The following CASP9 variants were observed in gnomAD, a reference collection of about 807,000 sequenced individuals.
CASP9 encodes caspase-9.
CASP9 carries 29 observed loss-of-function variants against 43.5 expected under a neutral mutation model. That is an observed-to-expected ratio of 0.67 (90% confidence interval 0.50 to 0.91). The LOEUF (loss-of-function observed/expected upper bound fraction) is 0.91, where lower values mean the gene tolerates loss of function less well. Among genes scored for constraint, CASP9 ranks in the 40% least tolerant of loss-of-function variants. CASP9 has a pLI of 0.00. For missense variants in CASP9, 575 were observed against 537.4 expected, an observed-to-expected ratio of 1.07 and a Z score of -0.69; for synonymous variants, 206 against 211.9, an observed-to-expected ratio of 0.97 and a Z score of 0.24.
At chr1:15,494,745 C>A (rs1286747501) in intron 7 of CASP9, among the ~76,000 whole-genome samples, 2 of 150,534 alleles carry the variant, frequency 1.3e-5, no homozygotes, top group Admixed American at 1.3e-4. Flanking sequence ...TGCTTGTAGT[C>A]CCAGCTACTT....
upstream of CASP9, chr1:15,524,265 A>G: frequency 7.6e-7 from 1 of 1,315,558 alleles, no homozygotes; most frequent in Non-Finnish European, 9.9e-7. Context: ...CGCCCGCCCC[A>G]GTCCCCAGGA....
chr1:15,500,688 C>T (rs929392225), intron 6 of CASP9, among the ~76,000 whole-genome samples: 7 of 152,082 alleles, frequency 4.6e-5, no homozygotes, highest in African/African-American at 7.2e-5. Context: ...GTAGAGACTC[C>T]GGAATCTGCC....
chr1:15,518,229 T>C lies in CASP9; in HGVS notation c.299A>G (p.Lys100Arg). ...RTNRQAAKLSKPTLENLTPVV... is the reference protein window; with the variant it reads ...RTNRQAAKLSRPTLENLTPVV... ...TGGGGTAAGGTTTTCTAGGGTTGGCTTCGACAACTTTGCTGCTTGCCTGTT... is the reference window on the plus strand; with the variant it reads ...TGGGGTAAGGTTTTCTAGGGTTGGCCTCGACAACTTTGCTGCTTGCCTGTT... Residue 100 changes from lysine to arginine, a missense_variant, in exon 2 of 9, where the codon AAG (lysine) becomes AGG (arginine). By Grantham distance (26) the Lys-to-Arg change is conservative (BLOSUM62 2). Transcript: ENST00000333868. 1 of 1,614,222 alleles carries C rather than the reference T, an allele frequency of 6.2e-7. No homozygotes were observed. The highest frequency in any genetic ancestry group is 8.5e-7 in the Non-Finnish European group (1 of 1,180,040).
chr1:15,521,934 T>C (rs1197550522), intron 1 of CASP9, among the ~76,000 whole-genome samples: 1 of 152,204 alleles, frequency 6.6e-6, no homozygotes, highest in Admixed American at 6.5e-5. Context: ...ATGTGGCTAA[T>C]GGCTACTGTT....
intron 4 of CASP9, 110 bp from the exon 5 acceptor site, chr1:15,506,189 C>G: frequency 1.4e-6 from 1 of 731,258 alleles, no homozygotes; most frequent in Non-Finnish European, 2.4e-6. Context: ...TGGTTCACGC[C>G]TGTAATCCCA....
chr1:15,491,624 G>A lies in CASP9; in HGVS notation c.*1319C>T. 3.1e-6 allele frequency: 1 copy of A among 321,552 alleles called. No individual in the cohort carries two copies. The highest frequency in any genetic ancestry group is 6.0e-6 in the Non-Finnish European group (1 of 167,236). 19.9% of individuals were successfully genotyped at this position (321,552 alleles called of 1,614,324 possible). A position where few individuals can be genotyped will look rare whatever the true frequency, so the allele number is the denominator to read the frequency against. ...AATACAAAAATTAACTGGGAGAGGT[G>A]GTGCACACCTGTAGTCCAAGCTACT... On this transcript the variant is annotated 3_prime_UTR_variant, in exon 9 of 9. Coordinates refer to ENST00000333868, the MANE Select transcript of CASP9 (RefSeq NM_001229.5).
intron 6 of CASP9, among the ~76,000 whole-genome samples, chr1:15,497,181 G>A (rs1709132433): frequency 6.6e-6 from 1 of 151,048 alleles, no homozygotes; most frequent in South Asian, 2.1e-4. Flanking sequence ...CGTGGTGGTG[G>A]GCACCTGTAA....
Position 15,507,095 on chromosome 1 carries a change from C to T in CASP9, c.454-20G>A, listed in dbSNP as rs755662878. On this transcript the variant is annotated intron_variant, in intron 3 of 8. Coordinates refer to ENST00000333868, the MANE Select transcript of CASP9 (RefSeq NM_001229.5). ...GTAAGCCTGCCAGCACAGGGACCCA[C>T]GTAAACCCGGGCTCTCCCCACGCTC... 8.1e-6 allele frequency: 13 copies of T among 1,612,624 alleles called. No individual in the cohort carries two copies. The East Asian group carries it at 1.8e-4, about 22-fold the overall frequency.
chr1:15,500,909 T>A, intron 6 of CASP9, among the ~76,000 whole-genome samples: 2 of 138,338 alleles, frequency 1.4e-5, no homozygotes, highest in African/African-American at 2.7e-5. Context: ...AAAGAGGGGG[T>A]CAGGCGGGGC....
chr1:15,494,687 C>A (rs1250211904), intron 7 of CASP9, among the ~76,000 whole-genome samples: 1 of 151,548 alleles, frequency 6.6e-6, no homozygotes, highest in South Asian at 2.1e-4. Context: ...CACGGTGAAA[C>A]CCCATCTCTA....
chr1:15,518,479 T>C, intron 1 of CASP9, 84 bp from the exon 2 acceptor site: 1 of 1,452,932 alleles, frequency 6.9e-7, no homozygotes, highest in Non-Finnish European at 9.3e-7. Flanking sequence ...CCAGCTACTG[T>C]AAGTCTAAAC....
intron 4 of CASP9, 22 bp from the exon 5 acceptor site, chr1:15,506,101 G>A: frequency 6.4e-7 from 1 of 1,553,010 alleles, no homozygotes; most frequent in South Asian, 1.1e-5. Context: ...GGCTGCAGGT[G>A]AGCCAGAAGC....
chr1:15,491,434 A>G lies in CASP9; in HGVS notation c.*1509T>C. 3 of 1,374,650 alleles carry G rather than the reference A, an allele frequency of 2.2e-6. No individual in the cohort carries two copies. Among genetic ancestry groups the G allele is most frequent in the Non-Finnish European group, 3.1e-6 (3 of 980,646 alleles). The allele number at this position is 1,374,650 out of a possible 1,614,324, so 85.2% of individuals were successfully genotyped here. A position where few individuals can be genotyped will look rare whatever the true frequency, so the allele number is the denominator to read the frequency against. ...AGGGTTTTATTATTATTATTAATTCAGAAATCCATCCTAACATCCAGGGCC... is the reference window on the plus strand; with the variant it reads ...AGGGTTTTATTATTATTATTAATTCGGAAATCCATCCTAACATCCAGGGCC... On this transcript the variant is annotated 3_prime_UTR_variant, in exon 9 of 9. Transcript: ENST00000333868.
chr1:15,501,444 A>G (rs1263651802), intron 6 of CASP9, among the ~76,000 whole-genome samples: 1 of 151,964 alleles, frequency 6.6e-6, no homozygotes, highest in Non-Finnish European at 1.5e-5. Flanking sequence ...AAATATTTTT[A>G]AAGTATTATA....
rs1231958848 is a variant in CASP9 at position 15,494,330 on chromosome 1, C to A, written c.1049-329G>T. On this transcript the variant is annotated intron_variant, in intron 7 of 8. Coordinates refer to ENST00000333868, the MANE Select transcript of CASP9 (RefSeq NM_001229.5). ...CTGTAATCCCAGCATTTTGGAAGGCCGAGGTGGGCAAATCACTTGAGGTCA... is the reference window on the plus strand; with the variant it reads ...CTGTAATCCCAGCATTTTGGAAGGCAGAGGTGGGCAAATCACTTGAGGTCA... 3.9e-5 allele frequency among the ~76,000 whole-genome samples: 6 copies of A among 152,140 alleles called. No homozygotes were observed. The South Asian group carries it at 8.3e-4, about 21-fold the overall frequency.
At chr1:15,512,542 A>G (rs1289678070) in intron 2 of CASP9, among the ~76,000 whole-genome samples, 1 of 152,170 alleles carries the variant, frequency 6.6e-6, no homozygotes, top group African/African-American at 2.4e-5. Flanking sequence ...TCAGGCCTTC[A>G]GACTCAGACT....
At chr1:15,499,079 C>T (rs956810168) in intron 6 of CASP9, among the ~76,000 whole-genome samples, 10 of 152,132 alleles carry the variant, frequency 6.6e-5, no homozygotes, top group African/African-American at 1.9e-4. Context: ...GTAAAAAATG[C>T]GCAGGCCACC....
At chr1:15,517,453 G>A (rs1021484776) in intron 2 of CASP9, among the ~76,000 whole-genome samples, 5 of 152,084 alleles carry the variant, frequency 3.3e-5, no homozygotes, top group Admixed American at 1.3e-4. Context: ...GAGAGTCAAC[G>A]GTCTTACAGG....
intron 2 of CASP9, among the ~76,000 whole-genome samples, chr1:15,509,528 G>C (rs9727501): frequency 6.7e-6 from 1 of 149,356 alleles, no homozygotes; most frequent in Non-Finnish European, 1.5e-5. Flanking sequence ...CCAGCTACTC[G>C]GGAGGCTGAG....
Sources: allele counts gnomAD v4.1 joint callset (sites outside exome capture counted in the v4.1 genomes callset), GRCh38; gene constraint gnomAD v4.1.1; transcripts MANE v1.5; gene names NCBI Gene and HGNC (gene_info 2026-07-23, HGNC 2026-07-21).